The following HTATSF1 variants were observed in gnomAD, a reference collection of about 807,000 sequenced individuals.
The protein encoded by HTATSF1 is HIV-1 Tat specific factor 1.
HTATSF1 carries 6 observed loss-of-function variants against 46.1 expected under a neutral mutation model. The observed-to-expected ratio is 0.13, with a 90% CI of 0.07 to 0.26. The LOEUF (loss-of-function observed/expected upper bound fraction) is 0.26. HTATSF1 is among the 10% of genes least tolerant of loss of function. The pLI is 1.00. For missense variants in HTATSF1, 452 were observed against 559.9 expected (o/e 0.81, Z 1.94); for synonymous variants, 226 against 211.5 (o/e 1.07, Z -0.60).
rs181033924 is a variant in HTATSF1, at chrX:136,506,928, C to G, written c.835-2163C>G. Among the ~76,000 whole-genome samples the G allele has an allele frequency of 9.7e-3, 1,095 of 112,616 alleles. 4 individuals are homozygous for G. Among genetic ancestry groups the G allele is most frequent in the Middle Eastern group, 0.023 (5 of 219 alleles). On this transcript the variant is annotated intron_variant, in intron 6 of 8. Coordinates refer to ENST00000218364, the MANE Select transcript of HTATSF1 (RefSeq NM_014500.5). ...AATTAAAATGAAATAAAATTCAGTT[C>G]ATCGCTTCTACTAGGCACATGTAGC...
intron 6 of HTATSF1, among the ~76,000 whole-genome samples, chrX:136,506,936 C>T (rs2075744781): frequency 8.9e-6 from 1 of 112,672 alleles, no homozygotes; most frequent in Non-Finnish European, 1.9e-5. Context: ...TTCATCGCTT[C>T]TACTAGGCAC....
At chrX:136,498,450 A>T (rs1416782788) in intron 1 of HTATSF1, among the ~76,000 whole-genome samples, 5 of 112,434 alleles carry the variant, frequency 4.4e-5, no homozygotes, top group Non-Finnish European at 7.5e-5. Context: ...ATACTTGGAA[A>T]TTGCTAAGTA....
intron 7 of HTATSF1, among the ~76,000 whole-genome samples, chrX:136,509,806 C>G (rs2056428490): frequency 8.9e-6 from 1 of 112,171 alleles, no homozygotes; most frequent in African/African-American, 3.2e-5. Flanking sequence ...AGTTTACACT[C>G]TTAACAATTA....
In HTATSF1 at chrX:136,511,012, G is replaced by A. The variant is rs1420239625; in HGVS notation, c.1267G>A (p.Glu423Lys). The A allele has an allele frequency of 8.3e-7, 1 of 1,211,640 alleles. No homozygotes were observed. The highest frequency in any genetic ancestry group is 2.2e-5 in the Admixed American group (1 of 46,018). ...AGAAACTGCAACTGGAATGGCGTTT[G>A]AAGAACCTATAGATGAGAAGAAGTT... ...AQETATGMAF[E>K]EPIDEKKFEK... The change falls in exon 9 of 9, where the codon GAA (glutamate) becomes AAA (lysine). Residue 423 changes from glutamate to lysine, a missense_variant. Transcript: ENST00000218364.
chrX:136,497,854 A>G lies in HTATSF1; in HGVS notation c.170A>G (p.Lys57Arg). Residue 57 changes from lysine (K) to arginine (R), a missense_variant, in exon 1 of 9, where the codon AAG becomes AGG. By Grantham distance (26) the Lys-to-Arg change is conservative (BLOSUM62 2). Around this residue, in one of 3 missense-constraint regions of HTATSF1, gnomAD observed 89 missense variants for 92.3 expected, o/e 0.96. Coordinates refer to ENST00000218364, the MANE Select transcript of HTATSF1 (RefSeq NM_014500.5). ...DTPYEWDLDKKAWFPKITEDF... is the reference protein window; with the variant it reads ...DTPYEWDLDKRAWFPKITEDF... ...CCCTACGAGTGGGACCTGGACAAAAAGGCTTGGTTCCCCAAGGTAGGAGAG... is the reference window on the plus strand; with the variant it reads ...CCCTACGAGTGGGACCTGGACAAAAGGGCTTGGTTCCCCAAGGTAGGAGAG... 8.5e-7 allele frequency: 1 copy of G among 1,172,293 alleles called. No individual in the cohort carries two copies. Among genetic ancestry groups the G allele is most frequent in the Non-Finnish European group, 1.2e-6 (1 of 868,757 alleles).
At chrX:136,510,250 C>T (rs765185688) in intron 8 of HTATSF1, 31 bp downstream of exon 8, 6 of 1,183,774 alleles carry the variant, frequency 5.1e-6, no homozygotes, top group Non-Finnish European at 6.8e-6. Context: ...AGGGCACACA[C>T]ATTGTTTCAT....
rs2075763601 is a variant in HTATSF1 at position 136,510,789 on chromosome X, A to G, written c.1063-19A>G. ...TTTGCCTGAAACTTATTTTAATGGCAGTCTCCATTTATCCACAGGTGGAGG... is the reference window on the plus strand; with the variant it reads ...TTTGCCTGAAACTTATTTTAATGGCGGTCTCCATTTATCCACAGGTGGAGG... On this transcript the variant is annotated intron_variant, in intron 8 of 8. Transcript: ENST00000218364. 8.6e-7 allele frequency: 1 copy of G among 1,165,865 alleles called. No homozygotes were observed. The highest frequency in any genetic ancestry group is 1.1e-6 in the Non-Finnish European group (1 of 876,600).
chrX:136,500,056 TC>T (rs1203984002), intron 2 of HTATSF1, 101 bp from the exon 3 acceptor site: 2 of 584,113 alleles, frequency 3.4e-6, no homozygotes, highest in African/African-American at 4.6e-5. Flanking sequence ...AGAAAGGTCG[TC>T]CTGGAAGTTT....
intron 7 of HTATSF1, among the ~76,000 whole-genome samples, chrX:136,509,687 A>G (rs372488540): frequency 8.9e-5 from 10 of 112,315 alleles, no homozygotes; most frequent in Non-Finnish European, 1.7e-4. Context: ...TATTACACCC[A>G]TTTTACAGAT....
At position 136,500,661 on chromosome X, in the gene HTATSF1, C is replaced by T; in HGVS notation, c.416-3C>T. The T allele has an allele frequency of 9.0e-7, 1 of 1,110,114 alleles. No homozygotes were observed. The highest frequency in any genetic ancestry group is 3.3e-5 in the East Asian group (1 of 30,302). 91.5% of individuals were successfully genotyped at this position (1,110,114 alleles called of 1,213,427 possible). A position where few individuals can be genotyped will look rare whatever the true frequency, so the allele number is the denominator to read the frequency against. On this transcript the variant is annotated splice_region_variant and splice_polypyrimidine_tract_variant and intron_variant, in intron 3 of 8. Transcript: ENST00000218364. ...ATGTTTTTTAATTTTTCTTAAATGACAGGTTTGCCTCCAGATATTACAGTG... is the reference window on the plus strand; with the variant it reads ...ATGTTTTTTAATTTTTCTTAAATGATAGGTTTGCCTCCAGATATTACAGTG...
intron 4 of HTATSF1, 26 bp downstream of exon 4, chrX:136,500,844 C>T (rs2075714984): frequency 9.8e-7 from 1 of 1,022,326 alleles, no homozygotes; most frequent in Non-Finnish European, 1.3e-6. Flanking sequence ...AAATAAGTTT[C>T]TTGTATCTTC....
At chrX:136,499,497 G>A in intron 1 of HTATSF1, 101 bp from the exon 2 acceptor site, 5 of 600,312 alleles carry the variant, frequency 8.3e-6, no homozygotes, top group Non-Finnish European at 9.9e-6. Flanking sequence ...ACACTTTTGT[G>A]TTAAGTTGTA....
At chrX:136,498,697 C>A (rs1013305675) in intron 1 of HTATSF1, among the ~76,000 whole-genome samples, 1 of 112,568 alleles carries the variant, frequency 8.9e-6, no homozygotes, top group Non-Finnish European at 1.9e-5. Flanking sequence ...ATATTCCAAT[C>A]CCTCCAGATT....
At chrX:136,501,696 GTA>G (rs2075718959) in intron 4 of HTATSF1, among the ~76,000 whole-genome samples, 7 of 112,224 alleles carry the variant, frequency 6.2e-5, no homozygotes, top group Admixed American at 5.6e-4. Context: ...TGTGTTGTGA[GTA>G]TACAGTATTC....
intron 7 of HTATSF1, 122 bp from the exon 8 acceptor site, chrX:136,509,960 A>G (rs2075759606): frequency 3.4e-6 from 2 of 592,136 alleles, no homozygotes; most frequent in Admixed American, 4.0e-5. Context: ...AAGACTTCAT[A>G]CATAAAGTCT....
intron 8 of HTATSF1, 117 bp from the exon 9 acceptor site, chrX:136,510,691 A>T: frequency 1.2e-6 from 1 of 834,456 alleles, no homozygotes. Flanking sequence ...AATTGCTTTC[A>T]TTTCCTAATA....
At chrX:136,497,554 C>A, upstream of HTATSF1, 1 of 470,141 alleles carries the variant, frequency 2.1e-6, no homozygotes, top group South Asian at 7.0e-5. Flanking sequence ...TGCTGGGGCG[C>A]AGCGGGGAGG....
In HTATSF1 at chrX:136,504,394, C is replaced by T. The variant is rs771520314; in HGVS notation, c.765C>T (p.Ala255=). Residue 255 remains alanine (A), a synonymous_variant, in exon 6 of 9, where the codon GCC becomes GCT. Coordinates refer to ENST00000218364, the MANE Select transcript of HTATSF1 (RefSeq NM_014500.5). ...TGGATTGGAGACCTGAGAGGCGAGC[C>T]GGACCATCCCGGATGCGCCATGAGC... ...KQLDWRPERR[A]GPSRMRHERV... The T allele has an allele frequency of 2.8e-5, 34 of 1,208,571 alleles. No individual in the cohort carries two copies. Among genetic ancestry groups the T allele is most frequent in the East Asian group, 2.7e-4 (9 of 33,638 alleles).
chrX:136,510,126 G>A lies in HTATSF1; in HGVS notation c.969G>A (p.Glu323=). Residue 323 remains glutamate, a synonymous_variant, in exon 8 of 9, where the codon GAG becomes GAA. Transcript: ENST00000218364. ...GVASVSFRDP[E]EADYCIQTLD... ...CCTCTGTGTCCTTTCGGGATCCAGAGGAAGCTGATTATTGTATTCAGACTC... is the reference window on the plus strand; with the variant it reads ...CCTCTGTGTCCTTTCGGGATCCAGAAGAAGCTGATTATTGTATTCAGACTC... The A allele has an allele frequency of 1.7e-6, 2 of 1,209,214 alleles. No individual in the cohort carries two copies. The highest frequency in any genetic ancestry group is 1.1e-6 in the Non-Finnish European group (1 of 893,637).
Sources: gnomAD v4.1 joint callset for allele counts (sites outside exome capture counted in the v4.1 genomes callset) on GRCh38, gnomAD v4.1.1 for gene constraint, gnomAD v4.1.1 regional missense constraint, MANE v1.5 for transcripts, NCBI Gene and HGNC (gene_info 2026-07-23, HGNC 2026-07-21) for gene names.